SLC25A29: variants seen among roughly 807,000 people sequenced by gnomAD.
SLC25A29 encodes the protein solute carrier family 25 member 29.
SLC25A29 carries 13 observed loss-of-function variants against 10.0 expected under a neutral mutation model. The observed-to-expected ratio is 1.30, with a 90% confidence interval of 0.85 to 2.07. The LOEUF (loss-of-function observed/expected upper bound fraction) is 2.07. Among genes scored for constraint, SLC25A29 ranks in the 30% most tolerant of loss-of-function variants. The probability of loss-of-function intolerance (pLI) is 0.00; values close to 1 mark genes in which losing one functional copy is unlikely to be tolerated. For missense variants in SLC25A29, 475 were observed against 447.6 expected (o/e 1.06, Z -0.55); for synonymous variants, 244 against 221.1 (o/e 1.10, Z -0.92).
At chr14:100,281,060 C>CAAAAAAAAAAAAAAAAAA in the SLC25A29 span, 2 of 47,776 alleles carry the variant, frequency 4.2e-5, 1 homozygote, top group Admixed American at 6.2e-4. Context: ...ACTCCGTCTC[C>CAAAAAAAAAAAAAAAAAA]CAAAAAAAAA....
intron 2 of SLC25A29, chr14:100,298,538 AG>A (rs1751779985): frequency 1.0e-5 from 5 of 490,068 alleles, no homozygotes; most frequent in African/African-American, 3.9e-5. Flanking sequence ...CTTTCTTTCA[AG>A]GAACTGTTTG....
At chr14:100,280,049 T>G in the SLC25A29 span, 2 of 152,244 alleles carry the variant, frequency 1.3e-5, no homozygotes. Context: ...AGAGTTAACT[T>G]CTGTAAGGAG....
chr14:100,302,407 C>T (rs1892624971), intron 1 of SLC25A29, among the ~76,000 whole-genome samples: 1 of 150,476 alleles, frequency 6.6e-6, no homozygotes, highest in Non-Finnish European at 1.5e-5. Flanking sequence ...TCACCCAGGC[C>T]GGAGTGCAAT....
At chr14:100,289,166 C>A (rs1891607004), downstream of SLC25A29, among the ~76,000 whole-genome samples, 1 of 152,234 alleles carries the variant, frequency 6.6e-6, no homozygotes, top group Admixed American at 6.5e-5. Flanking sequence ...AAGGAACCAA[C>A]CCTGCCTGCA....
Position 100,293,044 on chromosome 14 carries a change from G to A in SLC25A29, c.163-12C>T, listed in dbSNP as rs527902115. ...TACAGGCCCAGCACCTGCGGGGACA[G>A]AGACGCCATCAGAGCCGGCAACGCG... On this transcript the variant is annotated splice_polypyrimidine_tract_variant and intron_variant, in intron 3 of 3. Coordinates refer to ENST00000359232, the MANE Select transcript of SLC25A29 (RefSeq NM_001039355.3). 25 of 1,521,754 alleles carry A rather than the reference G, an allele frequency of 1.6e-5. No individual in the cohort carries two copies. In the Admixed American group the frequency reaches 1.6e-4, roughly 10 times the overall value. 94.3% of individuals were successfully genotyped at this position (1,521,754 alleles called of 1,614,324 possible).
chr14:100,300,480 T>G (rs1180489340), intron 1 of SLC25A29, among the ~76,000 whole-genome samples: 3 of 152,280 alleles, frequency 2.0e-5, no homozygotes, highest in Non-Finnish European at 4.4e-5. Flanking sequence ...CCTCCTGGGC[T>G]CAATCGACCC....
chr14:100,300,023 C>A, intron 1 of SLC25A29: 1 of 965,258 alleles, frequency 1.0e-6, no homozygotes, highest in Non-Finnish European at 1.2e-6. Context: ...GTAATCCCAG[C>A]ACTTTGGGAG....
intron 2 of SLC25A29, among the ~76,000 whole-genome samples, chr14:100,297,866 C>T (rs1425662780): frequency 2.6e-5 from 4 of 152,330 alleles, no homozygotes; most frequent in South Asian, 4.1e-4. Flanking sequence ...GGGACCTGCC[C>T]AAGGTCATGC....
In SLC25A29 at chr14:100,292,928, G is replaced by A. The variant is rs1312184525; in HGVS notation, c.267C>T (p.His89=). Residue 89 remains histidine, a synonymous_variant, in exon 4 of 4, where the codon CAC becomes CAT. Transcript: ENST00000359232. ...VQGNTLRALG[H]DSPLNQFLAG... is the part of the protein sequence containing the mutation. ...CCAGGAACTGGTTGAGGGGCGAGTC[G>A]TGGCCCAGGGCCCGGAGGGTGTTGC... 1.2e-5 allele frequency: 20 copies of A among 1,607,754 alleles called. No individual in the cohort carries two copies. Among genetic ancestry groups the A allele is most frequent in the East Asian group, 2.2e-5 (1 of 44,716 alleles).
rs753292419 is a variant in SLC25A29 at position 100,299,786 on chromosome 14, G to C, written c.35-901C>G. On this transcript the variant is annotated intron_variant, in intron 1 of 3. Transcript: ENST00000359232. ...CATGCTCCTCTCCCTGGAGTTTCAC[G>C]TGGACATCTGTTCAAGCTCTCCCTT... is the stretch of plus-strand genomic sequence containing the variant. 5 of 985,294 alleles carry C rather than the reference G, an allele frequency of 5.1e-6. No individual in the cohort carries two copies. The African/African-American group carries it at 7.0e-5, about 14-fold the overall frequency. 61.0% of individuals were successfully genotyped at this position (985,294 alleles called of 1,614,324 possible).
downstream of SLC25A29, among the ~76,000 whole-genome samples, chr14:100,288,197 C>T (rs965320271): frequency 6.6e-6 from 1 of 151,866 alleles, no homozygotes; most frequent in Non-Finnish European, 1.5e-5. Flanking sequence ...TCCTGGCCAA[C>T]GTGGTGAAAC....
chr14:100,300,532 G>A (rs1892472203), intron 1 of SLC25A29, among the ~76,000 whole-genome samples: 1 of 152,014 alleles, frequency 6.6e-6, no homozygotes, highest in Non-Finnish European at 1.5e-5. Flanking sequence ...ACAGGCATGA[G>A]CCACCACACC....
intron 1 of SLC25A29, among the ~76,000 whole-genome samples, chr14:100,303,188 T>G (rs1240437854): frequency 6.6e-6 from 1 of 152,228 alleles, no homozygotes; most frequent in African/African-American, 2.4e-5. Context: ...AAGCTGAAAA[T>G]CCTCGTTCTA....
At chr14:100,283,168 T>G in the SLC25A29 span, among the ~76,000 whole-genome samples, 2 of 152,198 alleles carry the variant, frequency 1.3e-5, no homozygotes, top group African/African-American at 4.8e-5. Context: ...CCAAATACAC[T>G]GAGAGCTACT....
At chr14:100,297,417 G>C (rs1274764039) in intron 2 of SLC25A29, among the ~76,000 whole-genome samples, 1 of 152,196 alleles carries the variant, frequency 6.6e-6, no homozygotes, top group Non-Finnish European at 1.5e-5. Context: ...AGCCCAGCAG[G>C]TCTGGCCAAT....
At chr14:100,283,561 C>T in the SLC25A29 span, among the ~76,000 whole-genome samples, 1 of 149,316 alleles carries the variant, frequency 6.7e-6, no homozygotes, top group Non-Finnish European at 1.5e-5. Flanking sequence ...TCTCAGCTCA[C>T]TGCAACCTCT....
chr14:100,292,455 A>G lies in SLC25A29; in HGVS notation c.740T>C (p.Phe247Ser). 6.3e-7 allele frequency: 1 copy of G among 1,579,496 alleles called. No individual in the cohort carries two copies. The change falls in exon 4 of 4, where the codon TTC becomes TCC. Residue 247 changes from phenylalanine to serine, a missense_variant. Physicochemically the swap from Phe to Ser is radical, Grantham distance 155. Transcript: ENST00000359232. ...CAGCGTGGACGCCAGCCCCCGTGTG[A>G]AGACGCGCCAGCCCTCGGCGCGGTA... ...QSYRAEGWRV[F>S]TRGLASTLLR...
At position 100,292,557 on chromosome 14, in the gene SLC25A29, A is replaced by C; in HGVS notation, c.638T>G (p.Val213Gly). ...TCCGTCCGCCTGCAGCCGCGACTTG[A>C]CCACGTCCACAGGATAGGTAGAGAG... ...SWLSTYPVDV[V>G]KSRLQADGLR... Residue 213 changes from valine (V) to glycine (G), a missense_variant, in exon 4 of 4, where the codon GTC (valine) becomes GGC (glycine). By Grantham distance (109) the Val-to-Gly change is moderately radical. Coordinates refer to ENST00000359232, the MANE Select transcript of SLC25A29 (RefSeq NM_001039355.3). 1.9e-6 allele frequency: 3 copies of C among 1,601,240 alleles called. No homozygotes were observed. Among genetic ancestry groups the C allele is most frequent in the Non-Finnish European group, 2.6e-6 (3 of 1,174,880 alleles).
rs752999407 is a variant in SLC25A29 at position 100,292,821 on chromosome 14, G to A, written c.374C>T (p.Ala125Val). Residue 125 changes from alanine to valine, a missense_variant, in exon 4 of 4, where the codon GCG (alanine) becomes GTG (valine). By Grantham distance (64) the Ala-to-Val change is moderately conservative (BLOSUM62 0). Coordinates refer to ENST00000359232, the MANE Select transcript of SLC25A29 (RefSeq NM_001039355.3). Reference sequence around the variant, plus strand: ...GCCCTTGTAGGTGCGCGCTGGGCCCGCGTCCTGCAGCTGCAGCCGCGTCTT... The same window carrying A: ...GCCCTTGTAGGTGCGCGCTGGGCCCACGTCCTGCAGCTGCAGCCGCGTCTT... ...LAKTRLQLQDAGPARTYKGSL... is the reference protein window; with the variant it reads ...LAKTRLQLQDVGPARTYKGSL... The A allele has an allele frequency of 1.2e-5, 19 of 1,590,318 alleles. No homozygotes were observed. The South Asian group carries it at 1.5e-4, about 12-fold the overall frequency.
Sources: allele counts gnomAD v4.1 joint callset (sites outside exome capture counted in the v4.1 genomes callset), GRCh38; gene constraint gnomAD v4.1.1; transcripts MANE v1.5; gene names NCBI Gene and HGNC (gene_info 2026-07-23, HGNC 2026-07-21).